The following RGL1 variants were observed in gnomAD, a reference collection of about 807,000 sequenced individuals.
The protein encoded by RGL1 is ral guanine nucleotide dissociation stimulator like 1.
Under a neutral mutation model 95.2 loss-of-function variants are expected in RGL1, and 24 were observed. That is an observed-to-expected ratio of 0.25 (90% CI 0.18 to 0.35). The LOEUF (loss-of-function observed/expected upper bound fraction) is 0.35. RGL1 is among the 10% of genes least tolerant of loss of function. RGL1 has a pLI of 1.00. For missense variants in RGL1, 715 were observed against 936.3 expected, an observed-to-expected ratio of 0.76 and a Z score of 3.08; for synonymous variants, 329 against 344.9, an observed-to-expected ratio of 0.95 and a Z score of 0.51.
chr1:183,659,923 A>G (rs1311843762), intron 1 of RGL1, among the ~76,000 whole-genome samples: 3 of 149,798 alleles, frequency 2.0e-5, no homozygotes, highest in African/African-American at 5.1e-5. Context: ...AAAGAAAAGA[A>G]TTTTCAACCC....
At chr1:183,670,612 T>A (rs529161601) in intron 1 of RGL1, among the ~76,000 whole-genome samples, 1 of 152,326 alleles carries the variant, frequency 6.6e-6, no homozygotes, top group Non-Finnish European at 1.5e-5. Flanking sequence ...TGGGAGTTTA[T>A]GTTCTGATAA....
Position 183,926,345 on chromosome 1 carries a change from C to T in RGL1, c.*53C>T. On this transcript the variant is annotated 3_prime_UTR_variant, in exon 18 of 18. Transcript: ENST00000360851. ...CCAAAGGCAGAGTGGGGCTGAGAAACAGGCTGCGGTGATTGCAATTACCAT... is the reference window on the plus strand; with the variant it reads ...CCAAAGGCAGAGTGGGGCTGAGAAATAGGCTGCGGTGATTGCAATTACCAT... 6.7e-7 allele frequency: 1 copy of T among 1,491,004 alleles called. No individual in the cohort carries two copies. Among genetic ancestry groups the T allele is most frequent in the South Asian group, 1.3e-5 (1 of 78,972 alleles). 92.4% of individuals were successfully genotyped at this position (1,491,004 alleles called of 1,614,324 possible).
chr1:183,717,297 C>A (rs1274063917), intron 1 of RGL1, among the ~76,000 whole-genome samples: 2 of 152,138 alleles, frequency 1.3e-5, no homozygotes, highest in African/African-American at 4.8e-5. Context: ...GTTCATTGTT[C>A]CAAGTGTAGA....
At chr1:183,669,982 G>A (rs80166015) in intron 1 of RGL1, among the ~76,000 whole-genome samples, 1,977 of 152,300 alleles carry the variant, frequency 0.013, 51 homozygotes, top group African/African-American at 0.046. Context: ...CTCTTATGAC[G>A]TAGGGATTAT....
At chr1:183,858,572 T>C (rs1167147219) in intron 3 of RGL1, among the ~76,000 whole-genome samples, 9 of 152,296 alleles carry the variant, frequency 5.9e-5, no homozygotes, top group Middle Eastern at 3.4e-3. Flanking sequence ...TCATGGTTCA[T>C]TCAGGTAAAT....
intron 3 of RGL1, among the ~76,000 whole-genome samples, chr1:183,849,192 A>G (rs1388759263): frequency 1.3e-5 from 2 of 152,204 alleles, no homozygotes; most frequent in Non-Finnish European, 2.9e-5. Context: ...GGGGCTCAAG[A>G]GATCAGCCTC....
intron 2 of RGL1, among the ~76,000 whole-genome samples, chr1:183,808,916 A>G (rs1283006395): frequency 6.6e-6 from 1 of 152,220 alleles, no homozygotes; most frequent in Non-Finnish European, 1.5e-5. Context: ...CTGTTTCCAT[A>G]GTAGTAGAAA....
At chr1:183,804,599 G>A (rs563918424), upstream of RGL1, among the ~76,000 whole-genome samples, 1 of 152,282 alleles carries the variant, frequency 6.6e-6, no homozygotes, top group Admixed American at 6.5e-5. Context: ...CCAGTTACTG[G>A]GTAATTGGGG....
chr1:183,783,624 T>G (rs1194012972), intron 2 of RGL1, among the ~76,000 whole-genome samples: 2 of 152,290 alleles, frequency 1.3e-5, no homozygotes, highest in East Asian at 3.9e-4. Flanking sequence ...TTATTTCCCT[T>G]TCCCCCAGCT....
At chr1:183,907,149 G>A in intron 14 of RGL1, 48 bp downstream of exon 14, 2 of 1,102,646 alleles carry the variant, frequency 1.8e-6, no homozygotes, top group African/African-American at 1.5e-5. Flanking sequence ...TGCCATCAGA[G>A]TCGTGAGAGG....
intron 13 of RGL1, among the ~76,000 whole-genome samples, chr1:183,906,761 G>A (rs1211260423): frequency 6.7e-6 from 1 of 148,932 alleles, no homozygotes; most frequent in Non-Finnish European, 1.5e-5. Flanking sequence ...CCTTGTATTT[G>A]AAACACGCAG....
At chr1:183,800,359 T>A (rs775626215), upstream of RGL1, among the ~76,000 whole-genome samples, 1 of 152,216 alleles carries the variant, frequency 6.6e-6, no homozygotes, top group African/African-American at 2.4e-5. Flanking sequence ...TTGCTCTTTA[T>A]CTATTGGCTC....
At chr1:183,783,963 GATT>G (rs975628305) in intron 2 of RGL1, among the ~76,000 whole-genome samples, 2 of 152,208 alleles carry the variant, frequency 1.3e-5, no homozygotes, top group African/African-American at 4.8e-5. Context: ...ACAATGATGA[GATT>G]ATTCTGAGTG....
chr1:183,652,821 C>T (rs115692733), intron 1 of RGL1, among the ~76,000 whole-genome samples: 1,979 of 152,048 alleles, frequency 0.013, 52 homozygotes, highest in African/African-American at 0.046. Context: ...TAGAGCCCAG[C>T]GTGCTGGAGG....
chr1:183,790,940 A>ACACC (rs1660414826), intron 2 of RGL1, among the ~76,000 whole-genome samples: 1 of 151,690 alleles, frequency 6.6e-6, no homozygotes, highest in African/African-American at 2.4e-5. Context: ...ACACACACAC[A>ACACC]CACAATCTCT....
At chr1:183,807,552 G>A (rs974327687) in intron 2 of RGL1, among the ~76,000 whole-genome samples, 2 of 152,218 alleles carry the variant, frequency 1.3e-5, no homozygotes, top group Non-Finnish European at 2.9e-5. Flanking sequence ...CGTGTGACTT[G>A]TAACTCCAGG....
At chr1:183,658,498 G>T (rs540806148) in intron 1 of RGL1, among the ~76,000 whole-genome samples, 1 of 152,280 alleles carries the variant, frequency 6.6e-6, no homozygotes, top group East Asian at 1.9e-4. Context: ...TGGCAGCGAG[G>T]CTGGGGGAGG....
At chr1:183,769,554 C>T (rs952410413) in intron 2 of RGL1, among the ~76,000 whole-genome samples, 1 of 152,212 alleles carries the variant, frequency 6.6e-6, no homozygotes, top group Non-Finnish European at 1.5e-5. Flanking sequence ...GTAGACACAA[C>T]ATATAACATA....
chr1:183,859,236 A>T (rs1332933462), intron 3 of RGL1, among the ~76,000 whole-genome samples: 3 of 152,236 alleles, frequency 2.0e-5, no homozygotes, highest in Admixed American at 6.5e-5. Context: ...GAGTGCAGGA[A>T]ACAGGCCAGA....
Sources: allele counts gnomAD v4.1 joint callset (sites outside exome capture counted in the v4.1 genomes callset), GRCh38; gene constraint gnomAD v4.1.1; transcripts MANE v1.5; gene names NCBI Gene and HGNC (gene_info 2026-07-23, HGNC 2026-07-21).